TOM1L2: variants seen among roughly 807,000 people sequenced by gnomAD.
TOM1L2 encodes target of myb1 like 2 membrane trafficking protein.
TOM1L2 carries 31 observed loss-of-function variants against 67.9 expected under a neutral mutation model. The ratio of observed to expected loss-of-function variants is 0.46; its 90% CI spans 0.34 to 0.62. The LOEUF (loss-of-function observed/expected upper bound fraction) is 0.62. Among genes scored for constraint, TOM1L2 ranks in the 20% least tolerant of loss-of-function variants. The pLI, the probability that TOM1L2 is intolerant of heterozygous loss-of-function variation, is 0.01. For missense variants in TOM1L2, 606 were observed against 663.5 expected (o/e 0.91, Z 0.95); for synonymous variants, 256 against 254.0 (o/e 1.01, Z -0.07).
chr17:17,896,832 G>C (rs943928053), intron 3 of TOM1L2, among the ~76,000 whole-genome samples: 22 of 152,194 alleles, frequency 1.4e-4, no homozygotes, highest in African/African-American at 5.1e-4. Context: ...ATTTTGGTGG[G>C]TACAGATATG....
intron 10 of TOM1L2, 119 bp from the exon 11 acceptor site, chr17:17,862,967 G>C: frequency 1.6e-6 from 1 of 643,636 alleles, no homozygotes. Flanking sequence ...GGAGGGTGGG[G>C]CGGGACTTTC....
At chr17:17,903,681 C>A (rs568441897) in intron 2 of TOM1L2, among the ~76,000 whole-genome samples, 1 of 151,380 alleles carries the variant, frequency 6.6e-6, no homozygotes, top group Non-Finnish European at 1.5e-5. Context: ...CACAGCCTTG[C>A]GGGGGTTGCA....
At chr17:17,964,714 A>G (rs914395655) in intron 1 of TOM1L2, among the ~76,000 whole-genome samples, 2 of 152,180 alleles carry the variant, frequency 1.3e-5, no homozygotes, top group African/African-American at 4.8e-5. Flanking sequence ...CGATCCTGCC[A>G]CTGCATTCCA....
chr17:17,957,667 ATATG>A (rs1369156502), intron 1 of TOM1L2, among the ~76,000 whole-genome samples: 1 of 151,048 alleles, frequency 6.6e-6, no homozygotes, highest in Non-Finnish European at 1.5e-5. Flanking sequence ...TATATATAAA[ATATG>A]TATATGTATA....
intron 1 of TOM1L2, among the ~76,000 whole-genome samples, chr17:17,952,387 T>C (rs867377848): frequency 0.011 from 1,309 of 122,692 alleles, 97 homozygotes; most frequent in African/African-American, 0.029. Flanking sequence ...TTTTTTTTTT[T>C]TTTTTTTTTT....
At chr17:17,925,854 C>CAA (rs796898959) in intron 1 of TOM1L2, among the ~76,000 whole-genome samples, 7 of 74,138 alleles carry the variant, frequency 9.4e-5, no homozygotes, top group Admixed American at 1.6e-4. Context: ...GACCCTGTCT[C>CAA]AAAAAAAAAA....
intron 2 of TOM1L2, among the ~76,000 whole-genome samples, chr17:17,905,143 G>C (rs1267099045): frequency 6.6e-6 from 1 of 152,214 alleles, no homozygotes; most frequent in Non-Finnish European, 1.5e-5. Context: ...CTATTTGTGA[G>C]TCACGTCTGT....
chr17:17,917,047 C>A (rs866491563), intron 1 of TOM1L2, among the ~76,000 whole-genome samples: 54 of 152,186 alleles, frequency 3.5e-4, no homozygotes, highest in African/African-American at 1.3e-3. Context: ...ATAGTCCCAG[C>A]TACTCCGGAG....
intron 1 of TOM1L2, among the ~76,000 whole-genome samples, chr17:17,912,289 C>T (rs2039403214): frequency 7.0e-6 from 1 of 142,720 alleles, no homozygotes; most frequent in South Asian, 2.2e-4. Flanking sequence ...GGGGGCTGAC[C>T]CCCCCACCTC....
intron 6 of TOM1L2, among the ~76,000 whole-genome samples, chr17:17,880,480 C>T (rs2037666638): frequency 6.6e-6 from 1 of 152,214 alleles, no homozygotes; most frequent in Non-Finnish European, 1.5e-5. Context: ...CTCAGATCTG[C>T]CCCTTCACTC....
At chr17:17,959,436 A>G (rs2041599000) in intron 1 of TOM1L2, among the ~76,000 whole-genome samples, 1 of 152,180 alleles carries the variant, frequency 6.6e-6, no homozygotes, top group South Asian at 2.1e-4. Flanking sequence ...TGTTTCCACA[A>G]CCTGCAAAAA....
At chr17:17,860,814 A>G in intron 12 of TOM1L2, among the ~76,000 whole-genome samples, 1 of 152,260 alleles carries the variant, frequency 6.6e-6, no homozygotes, top group East Asian at 1.9e-4. Flanking sequence ...TTGTACAGAA[A>G]GCATGGTTAT....
intron 2 of TOM1L2, among the ~76,000 whole-genome samples, chr17:17,900,257 T>A (rs369606512): frequency 1.2e-3 from 176 of 150,546 alleles, no homozygotes; most frequent in Non-Finnish European, 1.2e-3. Flanking sequence ...TTATGGCTCA[T>A]TCCTGTAATC....
At chr17:17,920,905 G>T (rs1179024015) in intron 1 of TOM1L2, among the ~76,000 whole-genome samples, 1 of 152,194 alleles carries the variant, frequency 6.6e-6, no homozygotes, top group Admixed American at 6.5e-5. Context: ...AAAGTGCTGG[G>T]ATTACAGGTG....
chr17:17,879,454 G>A (rs987894903), intron 7 of TOM1L2, among the ~76,000 whole-genome samples, 173 bp downstream of exon 7: 1 of 152,154 alleles, frequency 6.6e-6, no homozygotes, highest in Admixed American at 6.5e-5. Context: ...AGTGGTACTG[G>A]CCTCTGCCTG....
intron 1 of TOM1L2, among the ~76,000 whole-genome samples, chr17:17,968,660 ATC>A: frequency 9.5e-6 from 1 of 105,048 alleles, no homozygotes; most frequent in Non-Finnish European, 1.7e-5. Context: ...GTGAGACTCC[ATC>A]TCAAAAAAAA....
intron 2 of TOM1L2, among the ~76,000 whole-genome samples, chr17:17,902,036 C>T (rs1186596121): frequency 1.3e-5 from 2 of 152,078 alleles, no homozygotes; most frequent in Non-Finnish European, 2.9e-5. Flanking sequence ...ATTAGCCGGG[C>T]GTGGTGGTAC....
At chr17:17,907,422 T>C in intron 2 of TOM1L2, 25 bp downstream of exon 2, 1 of 1,611,784 alleles carries the variant, frequency 6.2e-7, no homozygotes, top group Non-Finnish European at 8.5e-7. Flanking sequence ...CAGAGAGGCT[T>C]CCCAGGAGAG....
At chr17:17,894,122 G>C (rs984426828) in intron 3 of TOM1L2, among the ~76,000 whole-genome samples, 1 of 152,146 alleles carries the variant, frequency 6.6e-6, no homozygotes, top group African/African-American at 2.4e-5. Context: ...ATGACTGAGC[G>C]GTCCCTGAAA....
Sources: gnomAD v4.1 joint callset for allele counts (sites outside exome capture counted in the v4.1 genomes callset) on GRCh38, gnomAD v4.1.1 for gene constraint, MANE v1.5 for transcripts, NCBI Gene and HGNC (gene_info 2026-07-23, HGNC 2026-07-21) for gene names.